The following COL14A1 variants were observed in gnomAD, a reference collection of about 807,000 sequenced individuals.
COL14A1 encodes the protein collagen type XIV alpha 1 chain.
A neutral mutation model predicts 230.3 loss-of-function variants in COL14A1; 136 were observed. The ratio of observed to expected loss-of-function variants is 0.59; its 90% CI spans 0.51 to 0.68. The LOEUF is 0.68. Ranked by LOEUF, COL14A1 falls within the 30% of genes least tolerant of loss-of-function variation. The pLI, the probability that COL14A1 is intolerant of heterozygous loss-of-function variation, is 0.00. For synonymous variants in COL14A1, 792 were observed against 784.1 expected (o/e 1.01, Z -0.17); for missense variants, 1,976 against 2,215.8 (o/e 0.89, Z 2.17).
intron 5 of COL14A1, among the ~76,000 whole-genome samples, chr8:120,179,394 AACAG>A (rs1449033092): frequency 6.6e-6 from 1 of 152,190 alleles, no homozygotes; most frequent in Non-Finnish European, 1.5e-5. Context: ...ATACACCAAT[AACAG>A]ACAAACAGAG....
chr8:120,297,639 T>G, intron 35 of COL14A1, 51 bp downstream of exon 35: 1 of 1,113,290 alleles, frequency 9.0e-7, no homozygotes, highest in Non-Finnish European at 1.2e-6. Context: ...TATTTAATTT[T>G]CTGGAAATGA....
intron 23 of COL14A1, among the ~76,000 whole-genome samples, chr8:120,256,647 T>C (rs897702823): frequency 2.6e-5 from 4 of 152,226 alleles, no homozygotes; most frequent in Non-Finnish European, 5.9e-5. Flanking sequence ...TATGGTTATG[T>C]TAAATATGAT....
intron 4 of COL14A1, among the ~76,000 whole-genome samples, chr8:120,167,760 G>A (rs747400033): frequency 4.6e-5 from 7 of 152,164 alleles, no homozygotes; most frequent in Non-Finnish European, 5.9e-5. Context: ...AAGCTCATCG[G>A]CTAAGTCCAG....
intron 37 of COL14A1, among the ~76,000 whole-genome samples, chr8:120,313,286 G>A (rs918691728): frequency 6.6e-6 from 1 of 152,160 alleles, no homozygotes; most frequent in African/African-American, 2.4e-5. Flanking sequence ...CTTGAACCTG[G>A]GAGCGGGAGG....
At chr8:120,154,965 G>GA (rs1473303280) in intron 2 of COL14A1, among the ~76,000 whole-genome samples, 12 of 152,100 alleles carry the variant, frequency 7.9e-5, no homozygotes, top group Non-Finnish European at 1.6e-4. Flanking sequence ...CTGAAAGGGG[G>GA]AAAAAACCTA....
chr8:120,215,406 A>G (rs916778257), intron 13 of COL14A1, among the ~76,000 whole-genome samples: 1 of 151,886 alleles, frequency 6.6e-6, no homozygotes, highest in South Asian at 2.1e-4. Context: ...GAAGGAAGGA[A>G]GGAAGGTAGG....
In COL14A1 at chr8:120,370,073, T is replaced by C. The variant is rs563970069; in HGVS notation, c.5311+588T>C. Among the ~76,000 whole-genome samples, 19 of 152,280 alleles carry C rather than the reference T, an allele frequency of 1.2e-4. 1 individual carries two copies. Among genetic ancestry groups the C allele is most frequent in the African/African-American group, 3.4e-4 (14 of 41,556 alleles). ...AGCTACTGGACTAAAAGAATATGCT[T>C]CCTAAAACATCTGCAGTGTGCATGC... On this transcript the variant is annotated intron_variant, in intron 47 of 47. Coordinates refer to ENST00000297848, the MANE Select transcript of COL14A1 (RefSeq NM_021110.4).
At chr8:120,207,682 T>G (rs554301250) in intron 10 of COL14A1, among the ~76,000 whole-genome samples, 1 of 152,318 alleles carries the variant, frequency 6.6e-6, no homozygotes, top group South Asian at 2.1e-4. Flanking sequence ...TCACAAGCAA[T>G]AAGTTAAAAC....
rs145671682 is a variant in COL14A1, at chr8:120,338,206, C to A, written c.4786-3119C>A. 4.5e-4 allele frequency among the ~76,000 whole-genome samples: 68 copies of A among 152,310 alleles called. 1 individual carries two copies. Among genetic ancestry groups the A allele is most frequent in the African/African-American group, 1.5e-3 (64 of 41,560 alleles). On this transcript the variant is annotated intron_variant, in intron 42 of 47. Transcript: ENST00000297848. ...GATAAAATAGATTTTAAAAAAACGA[C>A]TCAAGTTGCACCCTAATTCTGAATT...
chr8:120,328,648 C>T (rs1821767470), intron 40 of COL14A1, among the ~76,000 whole-genome samples: 1 of 152,170 alleles, frequency 6.6e-6, no homozygotes, highest in African/African-American at 2.4e-5. Context: ...GTCCATAAAT[C>T]AAGTGAATTC....
chr8:120,274,790 A>G (rs1457090959), intron 26 of COL14A1, among the ~76,000 whole-genome samples: 1 of 151,832 alleles, frequency 6.6e-6, no homozygotes, highest in Non-Finnish European at 1.5e-5. Context: ...ATACTTAACT[A>G]AAGAGATGGA....
At chr8:120,299,406 G>A (rs142521147) in intron 35 of COL14A1, among the ~76,000 whole-genome samples, 243 of 152,210 alleles carry the variant, frequency 1.6e-3, no homozygotes, top group African/African-American at 5.6e-3. Flanking sequence ...ATGCTAAAGG[G>A]AAGGTAGATG....
intron 13 of COL14A1, among the ~76,000 whole-genome samples, 193 bp from the exon 14 acceptor site, chr8:120,216,157 GA>G (rs1479591512): frequency 1.1e-4 from 17 of 152,052 alleles, no homozygotes; most frequent in Non-Finnish European, 1.8e-4. Context: ...TCTCTACAAA[GA>G]AAACTTTTTT....
At position 120,285,880 on chromosome 8, in the gene COL14A1, A is replaced by G; in HGVS notation, c.3987A>G (p.Thr1329=). 6.2e-7 allele frequency: 1 copy of G among 1,602,664 alleles called. No individual in the cohort carries two copies. The highest frequency in any genetic ancestry group is 8.5e-7 in the Non-Finnish European group (1 of 1,173,266). Residue 1329 remains threonine (T), a synonymous_variant, in exon 33 of 48, where the codon ACA becomes ACG. Coordinates refer to ENST00000297848, the MANE Select transcript of COL14A1 (RefSeq NM_021110.4). ...CAATAGATGGTGGGAAAACTCTAAC[A>G]TATTTCAACTATGACCAGAGTGGGG... is the stretch of plus-strand genomic sequence containing the variant. ...VILDNGGKTL[T]YFNYDQSGDF... is the part of the protein sequence containing the mutation.
At chr8:120,229,422 C>T (rs1818197141) in intron 18 of COL14A1, among the ~76,000 whole-genome samples, 1 of 151,898 alleles carries the variant, frequency 6.6e-6, no homozygotes, top group South Asian at 2.1e-4. Context: ...TCATCCATGT[C>T]CCTACAAAGG....
intron 14 of COL14A1, among the ~76,000 whole-genome samples, chr8:120,223,292 T>G (rs1817988851): frequency 6.6e-6 from 1 of 152,240 alleles, no homozygotes; most frequent in African/African-American, 2.4e-5. Context: ...TACTTTGCCA[T>G]GAGCAAACAC....
chr8:120,187,257 T>C (rs1268445574), intron 5 of COL14A1, among the ~76,000 whole-genome samples: 1 of 152,238 alleles, frequency 6.6e-6, no homozygotes, highest in African/African-American at 2.4e-5. Context: ...ATTTTTAATT[T>C]GGTAATTTCA....
intron 2 of COL14A1, among the ~76,000 whole-genome samples, chr8:120,153,123 C>T (rs935947895): frequency 1.3e-5 from 2 of 151,778 alleles, no homozygotes; most frequent in South Asian, 2.1e-4. Flanking sequence ...TTAATTGCTC[C>T]GATTTATAAA....
In COL14A1 at chr8:120,315,927, G is replaced by C. The variant is rs1193469963; in HGVS notation, c.4606-17G>C. On this transcript the variant is annotated splice_polypyrimidine_tract_variant and intron_variant, in intron 39 of 47. Coordinates refer to ENST00000297848, the MANE Select transcript of COL14A1 (RefSeq NM_021110.4). ...ATTCCTGTGAACCTGACTCTTTTTT[G>C]TCCCTGTTCTACACAGGGTATCCCA... is the stretch of plus-strand genomic sequence containing the variant. The C allele has an allele frequency of 6.2e-7, 1 of 1,612,384 alleles. No homozygotes were observed. Among genetic ancestry groups the C allele is most frequent in the South Asian group, 1.1e-5 (1 of 90,896 alleles).
Sources: allele counts gnomAD v4.1 joint callset (sites outside exome capture counted in the v4.1 genomes callset), GRCh38; gene constraint gnomAD v4.1.1; transcripts MANE v1.5; gene names NCBI Gene and HGNC (gene_info 2026-07-23, HGNC 2026-07-21).